The following TP53BP1 variants were observed in gnomAD, a reference collection of about 807,000 sequenced individuals.
TP53BP1 encodes tumor protein p53 binding protein 1.
A neutral mutation model predicts 200.8 loss-of-function variants in TP53BP1; 61 were observed. That is an observed-to-expected ratio of 0.30 (90% CI 0.25 to 0.38). The LOEUF (loss-of-function observed/expected upper bound fraction) is 0.38. Among genes scored for constraint, TP53BP1 ranks in the 10% least tolerant of loss-of-function variants. The pLI is 1.00. For synonymous variants in TP53BP1, 822 were observed against 844.3 expected (o/e 0.97, Z 0.46); for missense variants, 2,144 against 2,371.9 (o/e 0.90, Z 2.00).
chr15:43,465,924 A>C (rs2046567585), intron 11 of TP53BP1, among the ~76,000 whole-genome samples: 1 of 152,162 alleles, frequency 6.6e-6, no homozygotes, highest in Non-Finnish European at 1.5e-5. Context: ...CAAAGTGCTA[A>C]GATTACAGGC....
chr15:43,473,886 T>C (rs2046786783), intron 10 of TP53BP1, among the ~76,000 whole-genome samples: 2 of 152,298 alleles, frequency 1.3e-5, no homozygotes, highest in South Asian at 4.1e-4. Flanking sequence ...TCCTCAGCCC[T>C]TTGGGTGGTC....
chr15:43,404,871 C>G lies in TP53BP1; in HGVS notation c.*2512G>C. Reference sequence around the variant, plus strand: ...GAACTAGCTGTGCAGCCGTGGGCACCCCGCCTTGCTGGTCCCTAGCTTCCG... The same window carrying G: ...GAACTAGCTGTGCAGCCGTGGGCACGCCGCCTTGCTGGTCCCTAGCTTCCG... On this transcript the variant is annotated 3_prime_UTR_variant, in exon 28 of 28. Transcript: ENST00000382044. The G allele has an allele frequency of 2.1e-6, 1 of 482,886 alleles. No individual in the cohort carries two copies. Among genetic ancestry groups the G allele is most frequent in the East Asian group, 3.6e-5 (1 of 27,518 alleles). 29.9% of individuals were successfully genotyped at this position (482,886 alleles called of 1,614,324 possible).
At chr15:43,448,484 A>T (rs1437735065) in intron 12 of TP53BP1, among the ~76,000 whole-genome samples, 1 of 152,050 alleles carries the variant, frequency 6.6e-6, no homozygotes, top group Non-Finnish European at 1.5e-5. Flanking sequence ...TTCCACTCCT[A>T]TCTTTAATAG....
chr15:43,433,968 T>G (rs187961372), intron 16 of TP53BP1, among the ~76,000 whole-genome samples: 1 of 152,174 alleles, frequency 6.6e-6, no homozygotes, highest in Admixed American at 6.5e-5. Flanking sequence ...GCTCTAGATC[T>G]TGAAGGAAAA....
At chr15:43,467,177 T>C (rs2046604839) in intron 11 of TP53BP1, among the ~76,000 whole-genome samples, 1 of 152,024 alleles carries the variant, frequency 6.6e-6, no homozygotes, top group Non-Finnish European at 1.5e-5. Context: ...GCAATTCTCC[T>C]GCCTCAGCCT....
upstream of TP53BP1, among the ~76,000 whole-genome samples, chr15:43,493,690 T>C (rs2079160572): frequency 6.6e-6 from 1 of 152,202 alleles, no homozygotes; most frequent in South Asian, 2.1e-4. Context: ...TGACATTACA[T>C]CTCTGCCAGG....
chr15:43,506,175 C>T, intron 1 of TP53BP1, among the ~76,000 whole-genome samples: 1 of 152,172 alleles, frequency 6.6e-6, no homozygotes, highest in East Asian at 1.9e-4. Flanking sequence ...TTATGATGTT[C>T]TTCTCTCCTA....
intron 12 of TP53BP1, among the ~76,000 whole-genome samples, chr15:43,448,845 G>T (rs1003399553): frequency 6.6e-5 from 10 of 152,146 alleles, no homozygotes; most frequent in African/African-American, 2.2e-4. Context: ...TGTAAAGAGG[G>T]GCCAGGTACC....
intron 4 of TP53BP1, among the ~76,000 whole-genome samples, chr15:43,484,012 G>A (rs2079011844): frequency 6.6e-6 from 1 of 152,104 alleles, no homozygotes; most frequent in African/African-American, 2.4e-5. Flanking sequence ...TTTTCCCTCT[G>A]AGCTCCAGGC....
chr15:43,477,552 A>C, intron 8 of TP53BP1, 41 bp downstream of exon 8: 1 of 1,546,054 alleles, frequency 6.5e-7, no homozygotes, highest in Non-Finnish European at 8.7e-7. Context: ...AAAAGTTTAG[A>C]TCTTTGGAGA....
At chr15:43,451,536 A>G (rs969580426) in intron 12 of TP53BP1, among the ~76,000 whole-genome samples, 30 of 152,192 alleles carry the variant, frequency 2.0e-4, no homozygotes, top group Non-Finnish European at 2.5e-4. Flanking sequence ...ATGGCTGCAT[A>G]GTATTCCATG....
Position 43,432,214 on chromosome 15 carries a change from T to C in TP53BP1, c.3655A>G (p.Thr1219Ala), listed in dbSNP as rs2045686878. ...CTCACCTGGCTATGGAGCGACTCTG[T>C]ATCATCCCCAGGAGCACTGACTGGT... ...EKPVSAPGDD[T>A]ESLHSQGEEE... Residue 1219 changes from threonine to alanine, a missense_variant, in exon 17 of 28, where the codon ACA becomes GCA. Coordinates refer to ENST00000382044, the MANE Select transcript of TP53BP1 (RefSeq NM_001141980.3). 2 of 1,614,108 alleles carry C rather than the reference T, an allele frequency of 1.2e-6. No homozygotes were observed. Among genetic ancestry groups the C allele is most frequent in the South Asian group, 2.2e-5 (2 of 91,062 alleles).
At chr15:43,490,655 A>C (rs569823554) in intron 4 of TP53BP1, among the ~76,000 whole-genome samples, 2 of 152,178 alleles carry the variant, frequency 1.3e-5, no homozygotes, top group Non-Finnish European at 2.9e-5. Context: ...GGACCTTAGA[A>C]ATATTGGGGC....
In TP53BP1 at chr15:43,486,791, T is replaced by A. The variant is rs570035797; in HGVS notation, c.371+4878A>T. ...GATGTGTGCCACCATGCCCAGCTAA[T>A]TTTTTTGTATTTTTGGTAAAGACGG... On this transcript the variant is annotated intron_variant, in intron 4 of 27. Coordinates refer to ENST00000382044, the MANE Select transcript of TP53BP1 (RefSeq NM_001141980.3). Among the ~76,000 whole-genome samples the A allele has an allele frequency of 1.5e-4, 23 of 152,162 alleles. No homozygotes were observed. In the South Asian group the frequency reaches 4.6e-3, roughly 30 times the overall value.
chr15:43,412,777 CAG>C (rs1243307650), intron 24 of TP53BP1: 1 of 475,990 alleles, frequency 2.1e-6, no homozygotes, highest in African/African-American at 2.0e-5. Flanking sequence ...GCTAAAATGA[CAG>C]AGCTCTAGTC....
Position 43,479,916 on chromosome 15 carries a change from G to A in TP53BP1, c.601C>T (p.Gln201Ter). The A allele has an allele frequency of 6.2e-7, 1 of 1,614,194 alleles. No homozygotes were observed. The part of the protein sequence containing the change: ...VPYEVDKEQL[Q>*]SVTTNSGYTR... ...TAACCAGAGTTGGTGGTTACTGATT[G>A]TAGCTGCTCTTTGTCCACTTCATAT... Residue 201 changes from glutamine to a stop codon, truncating the protein, a stop_gained, in exon 6 of 28, where the codon CAA becomes TAA. Coordinates refer to ENST00000382044, the MANE Select transcript of TP53BP1 (RefSeq NM_001141980.3). LOFTEE classifies it high-confidence loss of function.
chr15:43,403,830 C>T lies in TP53BP1; in HGVS notation c.*3553G>A, dbSNP rs201000696. 5.2e-5 allele frequency: 81 copies of T among 1,545,066 alleles called. No individual in the cohort carries two copies. In the South Asian group the frequency reaches 5.2e-4, roughly 10 times the overall value. On this transcript the variant is annotated 3_prime_UTR_variant, in exon 28 of 28. Transcript: ENST00000382044. ...TCTGCCTGGAAGTATGCAGCCTTGC[C>T]GAAAGGACAGAGGTGGTTTTGCCAA... is the stretch of plus-strand genomic sequence containing the variant.
chr15:43,421,286 G>T, intron 19 of TP53BP1, 112 bp from the exon 20 acceptor site: 1 of 1,167,868 alleles, frequency 8.6e-7, no homozygotes, highest in Non-Finnish European at 1.2e-6. Flanking sequence ...CTGAGCCTTT[G>T]GGGCAGCAGG....
At chr15:43,490,121 GCT>G (rs1044668077) in intron 4 of TP53BP1, among the ~76,000 whole-genome samples, 13 of 151,302 alleles carry the variant, frequency 8.6e-5, no homozygotes, top group African/African-American at 2.4e-4. Flanking sequence ...ACAGAGTCTC[GCT>G]CTGTCACCCA....
Sources: gnomAD v4.1 joint callset for allele counts (sites outside exome capture counted in the v4.1 genomes callset) on GRCh38, gnomAD v4.1.1 for gene constraint, MANE v1.5 for transcripts, NCBI Gene and HGNC (gene_info 2026-07-23, HGNC 2026-07-21) for gene names.